HNF1A: variants seen among roughly 807,000 people sequenced by gnomAD.
HNF1A encodes the protein hepatocyte nuclear factor 1-alpha.
In HNF1A, 21 loss-of-function variants were observed where a neutral mutation model predicts 62.2. The observed-to-expected ratio is 0.34, with a 90% confidence interval of 0.24 to 0.49. The LOEUF (loss-of-function observed/expected upper bound fraction) is 0.49. Among genes scored for constraint, HNF1A ranks in the 20% least tolerant of loss-of-function variants. The pLI is 0.99. For missense variants in HNF1A, 687 were observed against 832.3 expected (o/e 0.83, Z 2.15); for synonymous variants, 374 against 366.8 (o/e 1.02, Z -0.22).
chr12:120,993,878 C>T (rs1323221740), intron 3 of HNF1A, among the ~76,000 whole-genome samples, 172 bp downstream of exon 3: 1 of 152,170 alleles, frequency 6.6e-6, no homozygotes, highest in East Asian at 1.9e-4. Flanking sequence ...CCATTCCTCG[C>T]AGCCCCCCTG....
intron 7 of HNF1A, 155 bp downstream of exon 7, chr12:120,997,820 TC>T: frequency 1.2e-6 from 1 of 823,124 alleles, no homozygotes; most frequent in Non-Finnish European, 2.1e-6. Flanking sequence ...GCCAGTGTGT[TC>T]CCATGTGAAT....
In HNF1A at chr12:121,001,078, C is replaced by T; in HGVS notation, c.1782C>T (p.Ser594=). The T allele has an allele frequency of 2.5e-6, 4 of 1,613,568 alleles. No homozygotes were observed. Among genetic ancestry groups the T allele is most frequent in the Non-Finnish European group, 3.4e-6 (4 of 1,179,870 alleles). Residue 594 remains serine (S), a synonymous_variant, in exon 10 of 10, where the codon AGC becomes AGT. Transcript: ENST00000257555. ...TTGCCTCTGCAGTGTCCTCCAGCAG[C>T]CTGGTGCTGTACCAGAGCTCAGACT... ...LSASPTVSSS[S]LVLYQSSDSS...
At position 121,001,981 on chromosome 12, in the gene HNF1A, G is replaced by A. The variant is rs1877521489; in HGVS notation, c.*789G>A. The A allele has an allele frequency of 1.9e-6, 1 of 535,572 alleles. No homozygotes were observed. The highest frequency in any genetic ancestry group is 2.2e-5 in the Admixed American group (1 of 44,828). 33.2% of individuals were successfully genotyped at this position (535,572 alleles called of 1,614,324 possible). A position where few individuals can be genotyped will look rare whatever the true frequency, so the allele number is the denominator to read the frequency against. ...ACTGGGAAGGCTACTTCGGGGCTGGGAAGTCGTCCTTACTCCTGTGGGAGC... is the reference window on the plus strand; with the variant it reads ...ACTGGGAAGGCTACTTCGGGGCTGGAAAGTCGTCCTTACTCCTGTGGGAGC... On this transcript the variant is annotated 3_prime_UTR_variant, in exon 10 of 10. Coordinates refer to ENST00000257555, the MANE Select transcript of HNF1A (RefSeq NM_000545.8).
chr12:120,988,787 G>T, intron 1 of HNF1A, 46 bp from the exon 2 acceptor site: 1 of 1,587,330 alleles, frequency 6.3e-7, no homozygotes. Flanking sequence ...CACCTATGGG[G>T]AGAGACAGCC....
chr12:120,995,485 T>C (rs544547732), intron 4 of HNF1A, among the ~76,000 whole-genome samples: 1 of 152,048 alleles, frequency 6.6e-6, no homozygotes, highest in African/African-American at 2.4e-5. Context: ...TCACTCCACA[T>C]GACTCCACAT....
chr12:120,995,844 T>C (rs1233760726), intron 4 of HNF1A, among the ~76,000 whole-genome samples: 1 of 151,726 alleles, frequency 6.6e-6, no homozygotes, highest in Non-Finnish European at 1.5e-5. Context: ...CCATCTACTC[T>C]ACTCCACACC....
chr12:120,983,587 TG>T (rs1230656970), intron 1 of HNF1A, among the ~76,000 whole-genome samples: 1 of 151,422 alleles, frequency 6.6e-6, no homozygotes, highest in Non-Finnish European at 1.5e-5. Flanking sequence ...ACTCTGTTGC[TG>T]GGGGTGGAGT....
chr12:120,996,636 G>C lies in HNF1A; in HGVS notation c.1203G>C (p.Gln401His), dbSNP rs1157290314. The change falls in exon 6 of 10, where the codon CAG (glutamine) becomes CAC (histidine). Residue 401 changes from glutamine to histidine, a missense_variant. By Grantham distance (24) the Gln-to-His change is conservative. Transcript: ENST00000257555. This position sits in a 1 kb window ranked among gnomAD's most constrained non-coding sequence, Gnocchi z 4.5. ...QTSPGLNQQP[Q>H]NLIMASLPGV... is the part of the protein sequence containing the mutation. The stretch of plus-strand genomic sequence containing the variant: ...CCCCAGGCCTCAACCAGCAGCCCCA[G>C]AACCTCATCATGGCCTCACTTCCTG... The C allele has an allele frequency of 6.2e-7, 1 of 1,613,944 alleles. No homozygotes were observed. The highest frequency in any genetic ancestry group is 8.5e-7 in the Non-Finnish European group (1 of 1,180,016).
In HNF1A at chr12:120,999,557, C is replaced by T. The variant is rs766237894; in HGVS notation, c.1698C>T (p.His566=). ...CGGCATCTCAGGCCACCACCCTCCA[C>T]GTCCCCAGCCAGGACCCTGCCAGCA... ...HTPASQATTL[H]VPSQDPASIQ... is the part of the protein sequence containing the mutation. Residue 566 remains histidine, a synonymous_variant, in exon 9 of 10, where the codon CAC becomes CAT. Coordinates refer to ENST00000257555, the MANE Select transcript of HNF1A (RefSeq NM_000545.8). The T allele has an allele frequency of 3.8e-5, 61 of 1,612,820 alleles. No individual in the cohort carries two copies. The highest frequency in any genetic ancestry group is 8.8e-5 in the South Asian group (8 of 91,056).
intron 1 of HNF1A, among the ~76,000 whole-genome samples, chr12:120,981,380 C>G (rs1036913866): frequency 6.6e-6 from 1 of 152,208 alleles, no homozygotes; most frequent in Non-Finnish European, 1.5e-5. Context: ...CCCCTTAGCT[C>G]CCTGAGTGAC....
At chr12:120,989,670 C>CAAT (rs920083459) in intron 2 of HNF1A, among the ~76,000 whole-genome samples, 1 of 152,162 alleles carries the variant, frequency 6.6e-6, no homozygotes, top group African/African-American at 2.4e-5. Flanking sequence ...ACAACAACAA[C>CAAT]AATAATGGCC....
chr12:120,990,727 G>C (rs1187543752), intron 2 of HNF1A, among the ~76,000 whole-genome samples: 1 of 151,398 alleles, frequency 6.6e-6, no homozygotes, highest in African/African-American at 2.4e-5. Flanking sequence ...AAGAACGAGA[G>C]AAAGAAAGAA....
Position 120,996,548 on chromosome 12 carries a change from C to A in HNF1A, c.1115C>A (p.Ala372Glu). ...CTTGGCTTCCCCTCGTAGGTCTCAG[C>A]AGCTGGGGGCCCCCTCCCCCCTGTC... is the stretch of plus-strand genomic sequence containing the variant. ...LLSTEAKLVS[A>E]AGGPLPPVST... Residue 372 changes from alanine (A) to glutamate (E), a missense_variant, in exon 6 of 10, where the codon GCA (alanine) becomes GAA (glutamate). By Grantham distance (107) the Ala-to-Glu change is moderately radical (BLOSUM62 -1). Around this residue, in one of 5 missense-constraint regions of HNF1A, gnomAD observed 408 missense variants for 455.3 expected, o/e 0.90. Transcript: ENST00000257555. The surrounding 1 kb of genome is among the most constrained non-coding windows in gnomAD (Gnocchi z 4.5). The A allele has an allele frequency of 6.2e-7, 1 of 1,613,714 alleles. No individual in the cohort carries two copies. The highest frequency in any genetic ancestry group is 8.5e-7 in the Non-Finnish European group (1 of 1,179,962).
In HNF1A at chr12:120,979,104, C is replaced by T; in HGVS notation, c.326+10C>T. ...TGGAGACCCTTCTGCAGTAAGGAGCCCTGCCCCGTCCCCGCTCCCAGGAGA... is the reference window on the plus strand; with the variant it reads ...TGGAGACCCTTCTGCAGTAAGGAGCTCTGCCCCGTCCCCGCTCCCAGGAGA... On this transcript the variant is annotated intron_variant, in intron 1 of 9. Coordinates refer to ENST00000257555, the MANE Select transcript of HNF1A (RefSeq NM_000545.8). 6.2e-7 allele frequency: 1 copy of T among 1,601,830 alleles called. No homozygotes were observed. Among genetic ancestry groups the T allele is most frequent in the Non-Finnish European group, 8.5e-7 (1 of 1,174,588 alleles).
chr12:120,988,891 C>T lies in HNF1A; in HGVS notation c.385C>T (p.Pro129Ser), dbSNP rs1876669818. The change falls in exon 2 of 10, where the codon CCA (proline) becomes TCA (serine). Residue 129 changes from proline to serine, a missense_variant. Transcript: ENST00000257555. ...VKSYLQQHNI[P>S]QREVVDTTGL... The stretch of plus-strand genomic sequence containing the variant: ...GTCCTACCTGCAGCAGCACAACATC[C>T]CACAGCGGGAGGTGGTCGATACCAC... The T allele has an allele frequency of 1.2e-6, 2 of 1,614,130 alleles. No individual in the cohort carries two copies. Among genetic ancestry groups the T allele is most frequent in the Non-Finnish European group, 1.7e-6 (2 of 1,180,060 alleles).
Position 121,002,385 on chromosome 12 carries a change from A to C in HNF1A, c.*1193A>C, listed in dbSNP as rs993023654. ...CTGCTGAGAACCTGGCCTTCAGTGT[A>C]CCGCGTCTACCCTGGGATTCAGGAA... On this transcript the variant is annotated 3_prime_UTR_variant, in exon 10 of 10. Transcript: ENST00000257555. 5.2e-5 allele frequency: 27 copies of C among 518,864 alleles called. No homozygotes were observed. Among genetic ancestry groups the C allele is most frequent in the Non-Finnish European group, 8.9e-5 (24 of 269,668 alleles). 32.1% of individuals were successfully genotyped at this position (518,864 alleles called of 1,614,324 possible). A position where few individuals can be genotyped will look rare whatever the true frequency, so the allele number is the denominator to read the frequency against.
chr12:120,983,849 G>C (rs1051415486), intron 1 of HNF1A, among the ~76,000 whole-genome samples: 2 of 151,608 alleles, frequency 1.3e-5, no homozygotes, highest in African/African-American at 4.9e-5. Flanking sequence ...CCCAGCCTTG[G>C]CCTCTTAGTT....
chr12:120,999,709 C>G, intron 9 of HNF1A, 82 bp downstream of exon 9: 1 of 1,504,930 alleles, frequency 6.6e-7, no homozygotes. Flanking sequence ...TGCTGTCCGT[C>G]ACTGTGGGGC....
At chr12:120,983,362 G>C (rs1182309571) in intron 1 of HNF1A, among the ~76,000 whole-genome samples, 2 of 152,126 alleles carry the variant, frequency 1.3e-5, no homozygotes, top group Admixed American at 1.3e-4. Flanking sequence ...AATTTTCCCA[G>C]TAGCAGTGTG....
Sources: allele counts gnomAD v4.1 joint callset (sites outside exome capture counted in the v4.1 genomes callset), GRCh38; gene constraint gnomAD v4.1.1; regional missense constraint gnomAD v4.1.1; non-coding constraint Gnocchi (gnomAD v3.1); transcripts MANE v1.5; gene names NCBI Gene and HGNC (gene_info 2026-07-23, HGNC 2026-07-21).